Variants in UBE2H observed in about 807,000 individuals in gnomAD.
UBE2H encodes the protein ubiquitin-conjugating enzyme E2 H.
Under a neutral mutation model 29.0 loss-of-function variants are expected in UBE2H, and 3 were observed. The observed-to-expected ratio is 0.10, with a 90% CI of 0.05 to 0.27. The LOEUF (loss-of-function observed/expected upper bound fraction) is 0.27, where lower values mean the gene tolerates loss of function less well. Ranked by LOEUF, UBE2H falls within the 10% of genes least tolerant of loss-of-function variation. UBE2H has a pLI of 1.00. For synonymous variants in UBE2H, 69 were observed against 82.9 expected (o/e 0.83, Z 0.91); for missense variants, 68 against 228.2 (o/e 0.30, Z 4.52).
intron 1 of UBE2H, among the ~76,000 whole-genome samples, chr7:129,929,046 C>T (rs536785487): frequency 6.6e-5 from 10 of 152,266 alleles, no homozygotes; most frequent in East Asian, 5.8e-4. Context: ...GGGCCAGGCA[C>T]GGTGGCTCAC....
intron 1 of UBE2H, among the ~76,000 whole-genome samples, chr7:129,902,045 C>A (rs1242310066): frequency 6.6e-6 from 1 of 152,144 alleles, no homozygotes; most frequent in East Asian, 1.9e-4. Context: ...GTGTTATTAA[C>A]CCGTTTTCAC....
chr7:129,847,135 C>T (rs1805526916), intron 5 of UBE2H, among the ~76,000 whole-genome samples: 1 of 152,160 alleles, frequency 6.6e-6, no homozygotes, highest in Non-Finnish European at 1.5e-5. Flanking sequence ...GAACCTCTGC[C>T]TTTTGGGTTC....
intron 5 of UBE2H, chr7:129,839,744 T>G (rs185989837): frequency 4.2e-6 from 1 of 238,254 alleles, no homozygotes; most frequent in East Asian, 1.7e-4. Flanking sequence ...AGAGTCTTGC[T>G]CTATTGCCCA....
chr7:129,887,048 TCTCA>T (rs1377271230), intron 1 of UBE2H, among the ~76,000 whole-genome samples: 5 of 152,070 alleles, frequency 3.3e-5, no homozygotes, highest in South Asian at 2.1e-4. Context: ...GTTACACTGT[TCTCA>T]CTATTTTTGT....
intron 1 of UBE2H, among the ~76,000 whole-genome samples, chr7:129,935,692 T>C (rs954635875): frequency 1.6e-4 from 24 of 152,214 alleles, no homozygotes; most frequent in Admixed American, 2.6e-4. Flanking sequence ...ACGAATCTTA[T>C]ATTGATAAGC....
At chr7:129,893,694 C>A (rs1806545462) in intron 1 of UBE2H, among the ~76,000 whole-genome samples, 1 of 152,184 alleles carries the variant, frequency 6.6e-6, no homozygotes, top group Non-Finnish European at 1.5e-5. Context: ...ATATCAATAG[C>A]TCCTTAATAA....
At chr7:129,892,258 C>T (rs1563036815) in intron 1 of UBE2H, among the ~76,000 whole-genome samples, 9 of 149,014 alleles carry the variant, frequency 6.0e-5, no homozygotes, top group Non-Finnish European at 1.5e-5. Context: ...CTCAACCTTT[C>T]TTTTTTTTTT....
intron 3 of UBE2H, among the ~76,000 whole-genome samples, chr7:129,866,096 C>G (rs1268834326): frequency 6.6e-6 from 1 of 152,164 alleles, no homozygotes; most frequent in Non-Finnish European, 1.5e-5. Context: ...GAAATCTGAG[C>G]CTTTCCTACT....
intron 1 of UBE2H, among the ~76,000 whole-genome samples, chr7:129,935,030 T>A (rs1293318703): frequency 6.6e-6 from 1 of 151,490 alleles, no homozygotes; most frequent in East Asian, 1.9e-4. Context: ...TATATATATA[T>A]ATGCACCACA....
At chr7:129,882,036 G>A (rs1584762905) in intron 1 of UBE2H, among the ~76,000 whole-genome samples, 1 of 152,182 alleles carries the variant, frequency 6.6e-6, no homozygotes, top group East Asian at 1.9e-4. Flanking sequence ...TTGCCTCAAG[G>A]TTTGGTATGC....
intron 5 of UBE2H, among the ~76,000 whole-genome samples, chr7:129,856,617 T>C (rs928575876): frequency 1.3e-5 from 2 of 152,222 alleles, no homozygotes; most frequent in Non-Finnish European, 2.9e-5. Flanking sequence ...AGGTAGACTC[T>C]ATGAAGCCTG....
In UBE2H at chr7:129,915,658, A is replaced by G. The variant is rs561345563; in HGVS notation, c.54-34687T>C. Among the ~76,000 whole-genome samples the G allele has an allele frequency of 6.9e-4, 105 of 152,342 alleles. 3 individuals are homozygous for G. The South Asian group carries it at 0.021, about 31-fold the overall frequency. ...TCAGAGCACTAGGAAGAAACACTGAAACAGAAAGGCATCTGTTTAGAAGCA... is the reference window on the plus strand; with the variant it reads ...TCAGAGCACTAGGAAGAAACACTGAGACAGAAAGGCATCTGTTTAGAAGCA... On this transcript the variant is annotated intron_variant, in intron 1 of 6. Transcript: ENST00000355621.
chr7:129,950,117 G>A (rs1807845391), intron 1 of UBE2H, among the ~76,000 whole-genome samples: 3 of 152,114 alleles, frequency 2.0e-5, no homozygotes, highest in East Asian at 1.9e-4. Context: ...GAGAAAGGAG[G>A]ACACAAAATC....
At chr7:129,845,555 C>T (rs1188292701) in intron 5 of UBE2H, among the ~76,000 whole-genome samples, 1 of 152,196 alleles carries the variant, frequency 6.6e-6, no homozygotes, top group African/African-American at 2.4e-5. Context: ...TGCCAAACCA[C>T]AGGCAGTCAA....
chr7:129,948,422 G>A (rs933040879), intron 1 of UBE2H, among the ~76,000 whole-genome samples: 2 of 152,166 alleles, frequency 1.3e-5, no homozygotes, highest in African/African-American at 4.8e-5. Flanking sequence ...GTAAGACACC[G>A]TCCCTTTCTA....
intron 1 of UBE2H, among the ~76,000 whole-genome samples, chr7:129,918,083 G>A (rs527500690): frequency 1.3e-5 from 2 of 152,258 alleles, no homozygotes; most frequent in East Asian, 3.9e-4. Flanking sequence ...ACACTGGCAG[G>A]CCTCAAACTT....
chr7:129,912,042 C>A (rs992437351), intron 1 of UBE2H, among the ~76,000 whole-genome samples: 3 of 152,178 alleles, frequency 2.0e-5, no homozygotes, highest in Admixed American at 6.5e-5. Context: ...CAGAGAGATG[C>A]AGGACCAAGG....
chr7:129,865,573 T>C (rs1805888074), intron 3 of UBE2H, among the ~76,000 whole-genome samples: 1 of 152,170 alleles, frequency 6.6e-6, no homozygotes, highest in African/African-American at 2.4e-5. Context: ...CGGGTGAAGA[T>C]CACCAAAGGC....
intron 1 of UBE2H, among the ~76,000 whole-genome samples, chr7:129,930,835 G>A (rs1238656496): frequency 6.8e-6 from 1 of 148,022 alleles, no homozygotes; most frequent in African/African-American, 2.5e-5. Flanking sequence ...TTAAAGCCAG[G>A]AGGCAGGGGT....
Sources: allele counts gnomAD v4.1 joint callset (sites outside exome capture counted in the v4.1 genomes callset), GRCh38; gene constraint gnomAD v4.1.1; transcripts MANE v1.5; gene names NCBI Gene and HGNC (gene_info 2026-07-23, HGNC 2026-07-21).